DACH2: variants seen among roughly 807,000 people sequenced by gnomAD.
DACH2 encodes dachshund homolog 2.
A neutral mutation model predicts 35.8 loss-of-function variants in DACH2; 17 were observed. The observed-to-expected ratio is 0.48, with a 90% CI of 0.33 to 0.71. The LOEUF is 0.71. DACH2 is among the 30% of genes least tolerant of loss of function. DACH2 has a pLI of 0.02. For missense variants in DACH2, 469 were observed against 472.7 expected, an observed-to-expected ratio of 0.99 and a Z score of 0.07; for synonymous variants, 195 against 177.3, an observed-to-expected ratio of 1.10 and a Z score of -0.79.
At chrX:86,468,325 G>A (rs986596069) in intron 2 of DACH2, among the ~76,000 whole-genome samples, 23 of 111,047 alleles carry the variant, frequency 2.1e-4, no homozygotes, top group Non-Finnish European at 4.2e-4. Context: ...AGCTATCACT[G>A]TGGAGCTCTC....
intron 3 of DACH2, among the ~76,000 whole-genome samples, chrX:86,649,649 G>A (rs2040455434): frequency 1.8e-5 from 2 of 111,117 alleles, no homozygotes; most frequent in Non-Finnish European, 3.8e-5. Context: ...ATGATTTAGA[G>A]ACAATCTAAT....
In DACH2 at chrX:86,832,207, C is replaced by T; in HGVS notation, c.*52C>T. ...GAAGATGCTTGTGATTCCAGTTTATCTCTGAAACTATTCAACATGGAGTTA... is the reference window on the plus strand; with the variant it reads ...GAAGATGCTTGTGATTCCAGTTTATTTCTGAAACTATTCAACATGGAGTTA... On this transcript the variant is annotated 3_prime_UTR_variant, in exon 12 of 12. Transcript: ENST00000373125. 4.2e-6 allele frequency: 4 copies of T among 948,300 alleles called. No homozygotes were observed. Among genetic ancestry groups the T allele is most frequent in the Middle Eastern group, 2.7e-4 (1 of 3,746 alleles). The allele number at this position is 948,300 out of a possible 1,213,427, so 78.2% of individuals were successfully genotyped here. A position where few individuals can be genotyped will look rare whatever the true frequency, so the allele number is the denominator to read the frequency against.
At chrX:86,341,209 G>T (rs2035406948) in intron 1 of DACH2, among the ~76,000 whole-genome samples, 2 of 112,105 alleles carry the variant, frequency 1.8e-5, no homozygotes, top group South Asian at 7.4e-4. Flanking sequence ...GTCAATGCCA[G>T]CCTTCAAAAC....
chrX:86,703,750 C>A (rs1320610351), intron 5 of DACH2, among the ~76,000 whole-genome samples: 1 of 111,303 alleles, frequency 9.0e-6, no homozygotes, highest in African/African-American at 3.3e-5. Flanking sequence ...ATACATCTAA[C>A]CAATGAGTCG....
chrX:86,799,452 A>G (rs909344509), intron 7 of DACH2, among the ~76,000 whole-genome samples: 3 of 111,930 alleles, frequency 2.7e-5, no homozygotes, highest in Non-Finnish European at 5.6e-5. Context: ...ATCAATGCAG[A>G]AGGCAGGTGA....
At chrX:86,527,806 G>C (rs1009608583) in intron 3 of DACH2, among the ~76,000 whole-genome samples, 1 of 111,592 alleles carries the variant, frequency 9.0e-6, no homozygotes, top group Non-Finnish European at 1.9e-5. Context: ...TTGCATTCCT[G>C]TCAGCTATGT....
chrX:86,743,355 T>C (rs2041677509), intron 7 of DACH2, among the ~76,000 whole-genome samples: 1 of 111,296 alleles, frequency 9.0e-6, no homozygotes, highest in South Asian at 3.7e-4. Flanking sequence ...TCTCCTAATA[T>C]GAAAACTGAG....
chrX:86,802,528 GAAAA>G (rs34700295), intron 7 of DACH2, among the ~76,000 whole-genome samples: 21,776 of 62,909 alleles, frequency 0.35, 2,961 homozygotes, highest in Middle Eastern at 0.54. Context: ...TTTCTTGGTT[GAAAA>G]AAAAAAAAAA....
At chrX:86,681,329 G>T (rs1163069858) in intron 4 of DACH2, among the ~76,000 whole-genome samples, 1 of 111,290 alleles carries the variant, frequency 9.0e-6, no homozygotes, top group Non-Finnish European at 1.9e-5. Context: ...TCGGCCAGCT[G>T]CAGTGGCTCA....
intron 1 of DACH2, 50 bp downstream of exon 1, chrX:86,149,158 C>T (rs1299440311): frequency 1.1e-5 from 12 of 1,128,604 alleles, no homozygotes; most frequent in Non-Finnish European, 1.4e-5. Context: ...CCTTTGGCCT[C>T]TTCTGCATGC....
At chrX:86,151,150 A>C (rs970875550) in intron 1 of DACH2, among the ~76,000 whole-genome samples, 1 of 111,314 alleles carries the variant, frequency 9.0e-6, no homozygotes, top group Non-Finnish European at 1.9e-5. Context: ...AAAAAAAAAA[A>C]TCCAGAGGCA....
chrX:86,438,902 G>GT (rs2037113412), intron 2 of DACH2, among the ~76,000 whole-genome samples: 1 of 112,178 alleles, frequency 8.9e-6, no homozygotes, highest in African/African-American at 3.2e-5. Flanking sequence ...GTCTGACTGT[G>GT]TGAGATGGTG....
intron 1 of DACH2, among the ~76,000 whole-genome samples, chrX:86,299,406 G>T: frequency 8.9e-6 from 1 of 111,796 alleles, no homozygotes; most frequent in South Asian, 3.7e-4. Context: ...TGTGTATAAT[G>T]GATCATGTTC....
At chrX:86,243,261 C>T (rs2033207433) in intron 1 of DACH2, among the ~76,000 whole-genome samples, 2 of 111,504 alleles carry the variant, frequency 1.8e-5, no homozygotes, top group East Asian at 2.8e-4. Flanking sequence ...TCTAATCTAC[C>T]ACCTGAAGAC....
In DACH2 at chrX:86,668,888, G is replaced by T. The variant is rs764481804; in HGVS notation, c.772+17721G>T. Among the ~76,000 whole-genome samples the T allele has an allele frequency of 1.2e-4, 13 of 111,638 alleles. No individual in the cohort carries two copies. The South Asian group carries it at 4.8e-3, about 42-fold the overall frequency. ...AATGATCTCTGAATATTATTGCAAA[G>T]ACTAGGTAGAGAAGTTTAATTAAGT... On this transcript the variant is annotated intron_variant, in intron 4 of 11. Transcript: ENST00000373125.
At chrX:86,300,188 G>A (rs997997970) in intron 1 of DACH2, among the ~76,000 whole-genome samples, 4 of 110,646 alleles carry the variant, frequency 3.6e-5, no homozygotes, top group African/African-American at 6.6e-5. Flanking sequence ...ATCTCAAATA[G>A]AATATTTAAT....
chrX:86,455,051 G>A (rs1294068014), intron 2 of DACH2, among the ~76,000 whole-genome samples: 1 of 110,753 alleles, frequency 9.0e-6, no homozygotes, highest in Non-Finnish European at 1.9e-5. Context: ...TGGTTTGCTG[G>A]GGGTGCACTT....
intron 4 of DACH2, among the ~76,000 whole-genome samples, chrX:86,667,542 A>AAGG (rs2040703342): frequency 4.4e-5 from 2 of 45,612 alleles, no homozygotes; most frequent in African/African-American, 2.3e-4. Context: ...AGAAAGAAAG[A>AAGG]AAGAAGAAAG....
intron 1 of DACH2, among the ~76,000 whole-genome samples, chrX:86,214,392 C>A (rs1267151679): frequency 8.9e-6 from 1 of 112,011 alleles, no homozygotes; most frequent in Non-Finnish European, 1.9e-5. Context: ...TGCACATCTT[C>A]AGTTGTCACC....
Sources: allele counts gnomAD v4.1 joint callset (sites outside exome capture counted in the v4.1 genomes callset), GRCh38; gene constraint gnomAD v4.1.1; transcripts MANE v1.5; gene names NCBI Gene and HGNC (gene_info 2026-07-23, HGNC 2026-07-21).